Variants in GPAM observed in about 807,000 individuals in gnomAD.
GPAM encodes glycerol-3-phosphate acyltransferase 1, mitochondrial.
A neutral mutation model predicts 105.0 loss-of-function variants in GPAM; 56 were observed. That is an observed-to-expected ratio of 0.53 (90% CI 0.43 to 0.67). The LOEUF (loss-of-function observed/expected upper bound fraction) is 0.67. Ranked by LOEUF, GPAM falls within the 30% of genes least tolerant of loss-of-function variation. The pLI is 0.00. For synonymous variants in GPAM, 368 were observed against 354.4 expected, an observed-to-expected ratio of 1.04 and a Z score of -0.43; for missense variants, 855 against 989.8, an observed-to-expected ratio of 0.86 and a Z score of 1.83.
intron 10 of GPAM, 103 bp downstream of exon 10, chr10:112,168,750 C>G: frequency 1.2e-6 from 1 of 832,518 alleles, no homozygotes; most frequent in Non-Finnish European, 2.1e-6. Flanking sequence ...ACTCCAGTTA[C>G]TCAAAGAGCA....
rs754253583 is a variant in GPAM at position 112,158,287 on chromosome 10, G to A, written c.1980+29C>T. 24 of 1,267,878 alleles carry A rather than the reference G, an allele frequency of 1.9e-5. No individual in the cohort carries two copies. The East Asian group carries it at 5.3e-4, about 28-fold the overall frequency. The allele number at this position is 1,267,878 out of a possible 1,614,324, so 78.5% of individuals were successfully genotyped here. A position where few individuals can be genotyped will look rare whatever the true frequency, so the allele number is the denominator to read the frequency against. ...TAAGGGAATGAAGAGTAAGTATAAA[G>A]ACAAATAAAGGAAAGCTCTACCTCT... On this transcript the variant is annotated intron_variant, in intron 18 of 21. Transcript: ENST00000348367.
At chr10:112,179,303 T>C (rs1023985884) in intron 4 of GPAM, among the ~76,000 whole-genome samples, 1 of 152,178 alleles carries the variant, frequency 6.6e-6, no homozygotes, top group African/African-American at 2.4e-5. Context: ...TCCTATACCC[T>C]CTGACTTAAG....
chr10:112,199,440 G>A (rs112869857), intron 1 of GPAM, among the ~76,000 whole-genome samples: 14 of 152,230 alleles, frequency 9.2e-5, no homozygotes, highest in South Asian at 8.3e-4. Flanking sequence ...GAAAGTTTCC[G>A]TTAGGAGGAG....
In GPAM at chr10:112,180,515, T is replaced by C. The variant is rs1304107745; in HGVS notation, c.183A>G (p.Pro61=). 3 of 1,613,734 alleles carry C rather than the reference T, an allele frequency of 1.9e-6. No individual in the cohort carries two copies. Residue 61 remains proline (P), a synonymous_variant, in exon 4 of 22, where the codon CCA becomes CCG. Coordinates refer to ENST00000348367, the MANE Select transcript of GPAM (RefSeq NM_001244949.2). The part of the protein sequence containing the change: ...WKESLMSRKR[P]FVGRCCYSCT... ...AGGAGTAACAACATCTTCCAACAAA[T>C]GGCCTTTTCCGACTCATTAGGCTTT...
At chr10:112,153,823 G>C (rs757445515) in intron 21 of GPAM, 157 bp from the exon 22 acceptor site, 54 of 725,182 alleles carry the variant, frequency 7.4e-5, no homozygotes, top group Non-Finnish European at 1.0e-4. Context: ...GGGTGTGTGT[G>C]AGCATGAGGT....
rs189676979 is a variant in GPAM at position 112,173,702 on chromosome 10, A to T, written c.557T>A (p.Ile186Asn). The T allele has an allele frequency of 6.2e-7, 1 of 1,613,842 alleles. No homozygotes were observed. The highest frequency in any genetic ancestry group is 1.3e-5 in the African/African-American group (1 of 75,040). ...EMVATVSPAM[I>N]RLTGWVLLKL... is the part of the protein sequence containing the mutation. ...TTTCTGCCTTGCCTTTTAATACCTG[A>T]TCATTGCCGGTGAGACAGTGGCAAC... Residue 186 changes from isoleucine (I) to asparagine (N), a missense_variant, in exon 7 of 22, where the codon ATC becomes AAC. By Grantham distance (149) the Ile-to-Asn change is moderately radical (BLOSUM62 -3). Transcript: ENST00000348367.
At chr10:112,182,059 A>C (rs1847519113) in intron 2 of GPAM, among the ~76,000 whole-genome samples, 1 of 152,218 alleles carries the variant, frequency 6.6e-6, no homozygotes, top group Admixed American at 6.5e-5. Context: ...ATATATAAGG[A>C]TACAACATTG....
At position 112,156,005 on chromosome 10, in the gene GPAM, G is replaced by C; in HGVS notation, c.2170C>G (p.Leu724Val). 1 of 1,613,174 alleles carries C rather than the reference G, an allele frequency of 6.2e-7. No individual in the cohort carries two copies. Among genetic ancestry groups the C allele is most frequent in the Non-Finnish European group, 8.5e-7 (1 of 1,179,224 alleles). Residue 724 changes from leucine to valine, a missense_variant, in exon 20 of 22, where the codon CTC (leucine) becomes GTC (valine). Transcript: ENST00000348367. ...HQQFITFLQR[L>V]LGPLLEAYSS... ...TAGGCCTCCAGCAAAGGCCCAAGGA[G>C]TCTCTGTAAGAAGGTGATAAACTGC...
intron 2 of GPAM, among the ~76,000 whole-genome samples, chr10:112,182,331 T>C: frequency 6.6e-6 from 1 of 152,176 alleles, no homozygotes; most frequent in East Asian, 1.9e-4. Flanking sequence ...AGATCTTAAT[T>C]TTCTTGTGAT....
chr10:112,199,286 TA>T (rs1847764885), intron 1 of GPAM, among the ~76,000 whole-genome samples: 1 of 152,112 alleles, frequency 6.6e-6, no homozygotes, highest in Non-Finnish European at 1.5e-5. Context: ...TTAAGTGAAA[TA>T]AGCCAGGCAC....
At chr10:112,195,078 T>G (rs1490903774) in intron 1 of GPAM, among the ~76,000 whole-genome samples, 4 of 152,048 alleles carry the variant, frequency 2.6e-5, no homozygotes, top group Non-Finnish European at 5.9e-5. Context: ...TGGCTACCCA[T>G]CCAGACATCC....
At position 112,158,718 on chromosome 10, in the gene GPAM, T is replaced by A. The variant is rs73365173; in HGVS notation, c.1903-325A>T. On this transcript the variant is annotated intron_variant, in intron 17 of 21. Transcript: ENST00000348367. The stretch of plus-strand genomic sequence containing the variant: ...GACTGCTTATCAGCCCCCCACCATC[T>A]ATTTCTTTTACTTTATAAGACAATT... Among the ~76,000 whole-genome samples, 413 of 152,342 alleles carry A rather than the reference T, an allele frequency of 2.7e-3. 3 individuals carry two copies. Among genetic ancestry groups the A allele is most frequent in the African/African-American group, 8.7e-3 (363 of 41,572 alleles).
chr10:112,203,439 G>A (rs575876018), intron 1 of GPAM, among the ~76,000 whole-genome samples: 11 of 152,092 alleles, frequency 7.2e-5, no homozygotes, highest in Non-Finnish European at 1.5e-4. Context: ...GGACTCTGGA[G>A]AGGGGCAATC....
chr10:112,180,036 A>G (rs61872277), intron 4 of GPAM, among the ~76,000 whole-genome samples: 16,763 of 152,218 alleles, frequency 0.11, 1,073 homozygotes, highest in South Asian at 0.2. Context: ...TCACTATCAC[A>G]AAGTCAACAG....
At chr10:112,199,443 A>C (rs1847766758) in intron 1 of GPAM, among the ~76,000 whole-genome samples, 1 of 152,178 alleles carries the variant, frequency 6.6e-6, no homozygotes, top group African/African-American at 2.4e-5. Context: ...AGTTTCCGTT[A>C]GGAGGAGTAA....
At chr10:112,161,315 T>C (rs1462003743) in intron 15 of GPAM, among the ~76,000 whole-genome samples, 3 of 152,182 alleles carry the variant, frequency 2.0e-5, no homozygotes, top group African/African-American at 7.2e-5. Flanking sequence ...AAATGTATTT[T>C]GGGAGGATAA....
Position 112,157,301 on chromosome 10 carries a change from T to C in GPAM, c.2069A>G (p.Glu690Gly). ...CCCAAAGTCACTGTCTTCATCTTCT[T>C]CATCACTTCTCCAAGACAAAGGTTC... The part of the protein sequence containing the change: ...LPEPLSWRSD[E>G]EDEDSDFGEE... The change falls in exon 19 of 22, where the codon GAA (glutamate) becomes GGA (glycine). Residue 690 changes from glutamate to glycine, a missense_variant. Glu to Gly is a moderately conservative substitution (Grantham distance 98). Coordinates refer to ENST00000348367, the MANE Select transcript of GPAM (RefSeq NM_001244949.2). 1 of 1,613,744 alleles carries C rather than the reference T, an allele frequency of 6.2e-7. No homozygotes were observed. The highest frequency in any genetic ancestry group is 1.1e-5 in the South Asian group (1 of 91,070).
intron 1 of GPAM, among the ~76,000 whole-genome samples, chr10:112,212,272 CT>C (rs889323214): frequency 6.6e-5 from 10 of 151,388 alleles, no homozygotes; most frequent in South Asian, 4.2e-4. Context: ...TTCGCTGTTA[CT>C]TTTTTTTTAC....
At chr10:112,184,408 G>C (rs911627782), upstream of GPAM, among the ~76,000 whole-genome samples, 1 of 152,142 alleles carries the variant, frequency 6.6e-6, no homozygotes, top group African/African-American at 2.4e-5. Context: ...AAGTATTTGA[G>C]GTGGATATGT....
Sources: gnomAD v4.1 joint callset for allele counts (sites outside exome capture counted in the v4.1 genomes callset) on GRCh38, gnomAD v4.1.1 for gene constraint, MANE v1.5 for transcripts, NCBI Gene and HGNC (gene_info 2026-07-23, HGNC 2026-07-21) for gene names.